CAMKMT: variants seen among roughly 807,000 people sequenced by gnomAD.
CAMKMT encodes calmodulin-lysine N-methyltransferase.
CAMKMT carries 53 observed loss-of-function variants against 48.0 expected under a neutral mutation model. The observed-to-expected ratio is 1.10, with a 90% CI of 0.89 to 1.39. The LOEUF (loss-of-function observed/expected upper bound fraction) is 1.39. Ranked by LOEUF, CAMKMT falls within the 40% of genes most tolerant of loss-of-function variation. The probability of loss-of-function intolerance (pLI) is 0.00; values close to 1 mark genes in which losing one functional copy is unlikely to be tolerated. For missense variants in CAMKMT, 428 were observed against 402.7 expected (o/e 1.06, Z -0.54); for synonymous variants, 165 against 152.3 (o/e 1.08, Z -0.61).
intron 3 of CAMKMT, among the ~76,000 whole-genome samples, chr2:44,609,809 C>G (rs1417628656): frequency 2.0e-5 from 3 of 152,246 alleles, no homozygotes; most frequent in Non-Finnish European, 4.4e-5. Flanking sequence ...TCATAGGGCT[C>G]TTAACGCCTC....
At chr2:44,363,790 A>G (rs1678290212) in intron 1 of CAMKMT, among the ~76,000 whole-genome samples, 2 of 151,110 alleles carry the variant, frequency 1.3e-5, no homozygotes, top group African/African-American at 4.9e-5. Context: ...CCCTGGTTCA[A>G]GCAATTCTCC....
intron 9 of CAMKMT, among the ~76,000 whole-genome samples, chr2:44,763,107 G>A (rs13385538): frequency 0.048 from 7,344 of 152,236 alleles, 229 homozygotes; most frequent in Non-Finnish European, 0.071. Context: ...TCATTATGGG[G>A]AGGGGGAGAT....
At chr2:44,617,950 C>T (rs986872141) in intron 3 of CAMKMT, among the ~76,000 whole-genome samples, 1 of 152,090 alleles carries the variant, frequency 6.6e-6, no homozygotes, top group Non-Finnish European at 1.5e-5. Flanking sequence ...ATGTAAGAGC[C>T]AAATATAGCA....
At chr2:44,565,358 GC>G (rs1297557455) in intron 3 of CAMKMT, among the ~76,000 whole-genome samples, 1 of 152,148 alleles carries the variant, frequency 6.6e-6, no homozygotes, top group Non-Finnish European at 1.5e-5. Context: ...TAAAGCTTTG[GC>G]ACTAACTTCT....
chr2:44,509,853 G>A (rs187443130), intron 3 of CAMKMT, among the ~76,000 whole-genome samples: 37 of 152,266 alleles, frequency 2.4e-4, no homozygotes, highest in Middle Eastern at 3.4e-3. Context: ...ATGTTACAAC[G>A]TGGGACAAGA....
At chr2:44,451,771 A>G (rs890919238) in intron 3 of CAMKMT, among the ~76,000 whole-genome samples, 1 of 151,976 alleles carries the variant, frequency 6.6e-6, no homozygotes, top group African/African-American at 2.4e-5. Flanking sequence ...GATAGAATCT[A>G]GGTGGTAGGT....
chr2:44,414,849 G>A (rs916031312), intron 3 of CAMKMT, among the ~76,000 whole-genome samples: 2 of 152,186 alleles, frequency 1.3e-5, no homozygotes, highest in African/African-American at 4.8e-5. Context: ...AGCTAGAGGA[G>A]CTAAGTTTGA....
chr2:44,716,936 C>T (rs761931569), intron 7 of CAMKMT, among the ~76,000 whole-genome samples: 1 of 152,092 alleles, frequency 6.6e-6, no homozygotes, highest in Non-Finnish European at 1.5e-5. Context: ...TGTTAATAAT[C>T]ACTAATTAAT....
intron 3 of CAMKMT, among the ~76,000 whole-genome samples, chr2:44,621,349 T>G (rs1018550335): frequency 2.6e-5 from 4 of 151,482 alleles, no homozygotes; most frequent in African/African-American, 9.7e-5. Flanking sequence ...ACTCTACTCA[T>G]GTTCCTGACT....
At chr2:44,487,420 CATG>C (rs1669266547) in intron 3 of CAMKMT, among the ~76,000 whole-genome samples, 2 of 152,116 alleles carry the variant, frequency 1.3e-5, no homozygotes, top group African/African-American at 2.4e-5. Context: ...TATGTACTAT[CATG>C]ATAATTATAA....
intron 7 of CAMKMT, among the ~76,000 whole-genome samples, chr2:44,740,911 A>G (rs997770661): frequency 2.0e-5 from 3 of 152,158 alleles, no homozygotes; most frequent in African/African-American, 7.2e-5. Context: ...TCTAGAAAGA[A>G]TGAGCTGTGA....
At chr2:44,459,466 T>G (rs1456076928) in intron 3 of CAMKMT, among the ~76,000 whole-genome samples, 1 of 152,182 alleles carries the variant, frequency 6.6e-6, no homozygotes, top group Non-Finnish European at 1.5e-5. Context: ...TATTATTATT[T>G]AGAACATTTA....
intron 3 of CAMKMT, among the ~76,000 whole-genome samples, chr2:44,640,964 C>G (rs541362638): frequency 3.3e-5 from 5 of 152,146 alleles, no homozygotes; most frequent in African/African-American, 1.2e-4. Flanking sequence ...CATAGAGTGA[C>G]CAAGGCCACT....
chr2:44,689,263 T>TA (rs1441438321), intron 3 of CAMKMT, among the ~76,000 whole-genome samples: 11 of 133,686 alleles, frequency 8.2e-5, no homozygotes, highest in Middle Eastern at 3.6e-3. Context: ...CCAGCACTAT[T>TA]TTTTATTTAT....
intron 3 of CAMKMT, among the ~76,000 whole-genome samples, chr2:44,598,473 T>C (rs184628156): frequency 3.0e-4 from 45 of 151,942 alleles, no homozygotes; most frequent in African/African-American, 1.0e-3. Context: ...CTGTGCATTT[T>C]TTTTACTTTC....
chr2:44,696,159 T>A (rs1186374281), intron 3 of CAMKMT, among the ~76,000 whole-genome samples: 1 of 152,066 alleles, frequency 6.6e-6, no homozygotes, highest in Non-Finnish European at 1.5e-5. Flanking sequence ...GCCAGGGTTG[T>A]CTTGAACTCC....
intron 3 of CAMKMT, among the ~76,000 whole-genome samples, chr2:44,448,513 C>T (rs577045919): frequency 2.0e-5 from 3 of 152,252 alleles, no homozygotes; most frequent in Non-Finnish European, 4.4e-5. Flanking sequence ...TTAAGTATTG[C>T]TTTCTTATTG....
At chr2:44,397,850 A>C (rs370585888) in intron 3 of CAMKMT, among the ~76,000 whole-genome samples, 17 of 152,214 alleles carry the variant, frequency 1.1e-4, no homozygotes, top group Middle Eastern at 3.2e-3. Flanking sequence ...AATAAACCCT[A>C]TAATCCTTTG....
In CAMKMT at chr2:44,539,283, C is replaced by CAAAA. The variant is rs35929999; in HGVS notation, c.376+148993_376+148996dup. 7.6e-4 allele frequency among the ~76,000 whole-genome samples: 89 copies of CAAAA among 117,206 alleles called. 1 individual carries two copies. The highest frequency in any genetic ancestry group is 2.7e-3 in the African/African-American group (85 of 30,984). 76.9% of individuals were successfully genotyped at this position (117,206 alleles called of 152,430 possible). A position where few individuals can be genotyped will look rare whatever the true frequency, so the allele number is the denominator to read the frequency against. On this transcript the variant is annotated intron_variant, in intron 3 of 10. Coordinates refer to ENST00000378494, the MANE Select transcript of CAMKMT (RefSeq NM_024766.5). ...TTGTGCCACTGTACTCCAGAAGTCT[C>CAAAA]AAAAAAAAAAAAAAAAAACCCAAAA...
Sources: allele counts gnomAD v4.1 joint callset (sites outside exome capture counted in the v4.1 genomes callset), GRCh38; gene constraint gnomAD v4.1.1; transcripts MANE v1.5; gene names NCBI Gene and HGNC (gene_info 2026-07-23, HGNC 2026-07-21).